Variants in CEP83 observed in about 807,000 individuals in gnomAD.
The protein encoded by CEP83 is centrosomal protein 83.
A neutral mutation model predicts 101.9 loss-of-function variants in CEP83; 70 were observed. The observed-to-expected ratio is 0.69, with a 90% confidence interval of 0.57 to 0.84. The LOEUF (loss-of-function observed/expected upper bound fraction) is 0.84, where lower values mean the gene tolerates loss of function less well. Ranked by LOEUF, CEP83 falls within the 40% of genes least tolerant of loss-of-function variation. The pLI is 0.00. For synonymous variants in CEP83, 264 were observed against 267.9 expected (o/e 0.99, Z 0.14); for missense variants, 715 against 787.2 (o/e 0.91, Z 1.10).
rs138672196 is a variant in CEP83 at position 94,378,662 on chromosome 12, T to C, written c.801+129A>G. 97 of 977,850 alleles carry C rather than the reference T, an allele frequency of 9.9e-5. No individual in the cohort carries two copies. The African/African-American group carries it at 1.5e-3, about 15-fold the overall frequency. 60.6% of individuals were successfully genotyped at this position (977,850 alleles called of 1,614,324 possible). A position where few individuals can be genotyped will look rare whatever the true frequency, so the allele number is the denominator to read the frequency against. Reference sequence around the variant, plus strand: ...TCTTCTTTACTAAAAGAATAAATACTCTTGGGATTACACAAATGCATCAGC... The same window carrying C: ...TCTTCTTTACTAAAAGAATAAATACCCTTGGGATTACACAAATGCATCAGC... On this transcript the variant is annotated intron_variant, in intron 7 of 16. Coordinates refer to ENST00000397809, the MANE Select transcript of CEP83 (RefSeq NM_016122.3).
the CEP83 span, chr12:94,279,540 C>G: frequency 7.4e-6 from 12 of 1,614,154 alleles, no homozygotes; most frequent in East Asian, 2.5e-4. Context: ...ATATTTCAGT[C>G]AATGTTCTCG....
chr12:94,338,905 A>T (rs146517259), intron 11 of CEP83, among the ~76,000 whole-genome samples: 73 of 152,154 alleles, frequency 4.8e-4, no homozygotes, highest in African/African-American at 1.7e-3. Context: ...AACCGTAAGG[A>T]TCATGGTCTA....
At chr12:94,380,063 C>T (rs1373289860) in intron 6 of CEP83, among the ~76,000 whole-genome samples, 2 of 129,180 alleles carry the variant, frequency 1.5e-5, no homozygotes, top group East Asian at 2.2e-4. Flanking sequence ...GTAAGCTCCC[C>T]GGCCCTGCAA....
In CEP83 at chr12:94,308,155, C is replaced by A. The variant is rs1969275766; in HGVS notation, c.*658G>T. ...GTTCAAGTTTTATAATCAATGGCCC[C>A]CTTGTTAATACAGCCATAGGATTTA... On this transcript the variant is annotated 3_prime_UTR_variant, in exon 17 of 17. Transcript: ENST00000397809. 1 of 152,090 alleles carries A rather than the reference C, an allele frequency of 6.6e-6. No individual in the cohort carries two copies. Among genetic ancestry groups the A allele is most frequent in the Non-Finnish European group, 1.5e-5 (1 of 68,006 alleles). The allele number at this position is 152,090 out of a possible 1,614,324, so 9.4% of individuals were successfully genotyped here.
intron 14 of CEP83, among the ~76,000 whole-genome samples, chr12:94,319,330 A>G (rs1447604813): frequency 6.6e-6 from 1 of 151,896 alleles, no homozygotes; most frequent in African/African-American, 2.4e-5. Context: ...TGGCCTAACA[A>G]TTTTTTCAAA....
intron 2 of CEP83, among the ~76,000 whole-genome samples, chr12:94,416,045 T>C (rs976667834): frequency 8.6e-5 from 13 of 152,032 alleles, no homozygotes; most frequent in African/African-American, 3.1e-4. Flanking sequence ...ATACAAAAAA[T>C]AATCAGAAAA....
rs1392994671 is a variant in CEP83 at position 94,378,914 on chromosome 12, A to C, written c.678T>G (p.Gly226=). Residue 226 remains glycine (G), a synonymous_variant, in exon 7 of 17, where the codon GGT becomes GGG. Transcript: ENST00000397809. ...TTAATTCCGCTACTTCAGCCTCTAA[A>C]CCTTTTAATTTTTGACACAAATAGA... ...EKVYLCQKLK[G]LEAEVAELKA... 6.2e-7 allele frequency: 1 copy of C among 1,613,960 alleles called. No homozygotes were observed. The highest frequency in any genetic ancestry group is 1.1e-5 in the South Asian group (1 of 91,074).
At chr12:94,358,354 A>T (rs1413726177) in intron 11 of CEP83, among the ~76,000 whole-genome samples, 1 of 152,224 alleles carries the variant, frequency 6.6e-6, no homozygotes, top group African/African-American at 2.4e-5. Flanking sequence ...ACTAGAAAAA[A>T]AAATTGCAAG....
At chr12:94,418,041 AAAG>A (rs140679392) in intron 2 of CEP83, among the ~76,000 whole-genome samples, 5,796 of 152,272 alleles carry the variant, frequency 0.038, 146 homozygotes, top group Non-Finnish European at 0.059. Flanking sequence ...AAGAAGGTAA[AAAG>A]AAGAACCAAG....
At chr12:94,318,857 A>C (rs1407001571) in intron 14 of CEP83, among the ~76,000 whole-genome samples, 1 of 152,200 alleles carries the variant, frequency 6.6e-6, no homozygotes, top group South Asian at 2.1e-4. Context: ...CGTCAAAGAT[A>C]TTGGCCTAAA....
intron 11 of CEP83, among the ~76,000 whole-genome samples, chr12:94,357,303 C>T (rs1045193346): frequency 1.3e-5 from 2 of 152,108 alleles, no homozygotes; most frequent in Non-Finnish European, 2.9e-5. Context: ...AAAGGAAATA[C>T]TCCATTTCCT....
chr12:94,268,900 T>G, the CEP83 span, among the ~76,000 whole-genome samples: 1 of 152,142 alleles, frequency 6.6e-6, no homozygotes, highest in East Asian at 1.9e-4. Context: ...CGGCCGATAA[T>G]AAGACCTATT....
intron 6 of CEP83, among the ~76,000 whole-genome samples, chr12:94,395,462 T>C (rs1456800882): frequency 1.3e-5 from 2 of 152,208 alleles, no homozygotes; most frequent in African/African-American, 2.4e-5. Context: ...TGGCATGTTT[T>C]ATACAAAAAT....
rs368760613 is a variant in CEP83 at position 94,390,624 on chromosome 12, ACT to A, written c.549+10224_549+10225del. On this transcript the variant is annotated intron_variant, in intron 6 of 16. Coordinates refer to ENST00000397809, the MANE Select transcript of CEP83 (RefSeq NM_016122.3). ...ATGGAATAAAGCTGGACAGTGAATG[ACT>A]CTGACAAGTTGACAGAAGTAGGCTT... Among the ~76,000 whole-genome samples the A allele has an allele frequency of 3.0e-4, 45 of 152,328 alleles. 1 individual carries two copies. In the South Asian group the frequency reaches 3.9e-3, roughly 13 times the overall value.
chr12:94,294,332 C>T, the CEP83 span, among the ~76,000 whole-genome samples: 2 of 152,210 alleles, frequency 1.3e-5, no homozygotes. Flanking sequence ...TAGTCCCAGC[C>T]TCCAGCACAG....
At chr12:94,418,347 T>C (rs6538498) in intron 2 of CEP83, among the ~76,000 whole-genome samples, 79,131 of 151,976 alleles carry the variant, frequency 0.52, 20,662 homozygotes, top group Non-Finnish European at 0.56. Context: ...GGTGACAGAC[T>C]GAGACTCTGT....
intron 1 of CEP83, among the ~76,000 whole-genome samples, chr12:94,451,077 C>G (rs1297305200): frequency 1.3e-5 from 2 of 152,118 alleles, no homozygotes; most frequent in African/African-American, 4.8e-5. Flanking sequence ...GGGAAAAGAA[C>G]AGTCTTTTTA....
intron 2 of CEP83, chr12:94,424,239 T>C (rs1035273031): frequency 6.8e-6 from 11 of 1,613,734 alleles, no homozygotes; most frequent in South Asian, 1.1e-5. Flanking sequence ...ATGATGCCCA[T>C]GTCTCCATTC....
At chr12:94,302,751 T>C (rs1216707116), downstream of CEP83, among the ~76,000 whole-genome samples, 2 of 152,188 alleles carry the variant, frequency 1.3e-5, no homozygotes, top group Non-Finnish European at 2.9e-5. Flanking sequence ...TTCTGTCAAC[T>C]ACTGCTGCTA....
Sources: gnomAD v4.1 joint callset for allele counts (sites outside exome capture counted in the v4.1 genomes callset) on GRCh38, gnomAD v4.1.1 for gene constraint, MANE v1.5 for transcripts, NCBI Gene and HGNC (gene_info 2026-07-23, HGNC 2026-07-21) for gene names.